Variants in FNDC3B observed in about 807,000 individuals in gnomAD.
The protein encoded by FNDC3B is fibronectin type III domain containing 3B.
FNDC3B carries 12 observed loss-of-function variants against 151.5 expected under a neutral mutation model. That is an observed-to-expected ratio of 0.08 (90% confidence interval 0.05 to 0.13). The LOEUF (loss-of-function observed/expected upper bound fraction) is 0.13. Ranked by LOEUF, FNDC3B falls within the 10% of genes least tolerant of loss-of-function variation. The pLI is 1.00. For synonymous variants in FNDC3B, 528 were observed against 549.0 expected (o/e 0.96, Z 0.54); for missense variants, 1,214 against 1,505.3 (o/e 0.81, Z 3.20).
intron 3 of FNDC3B, among the ~76,000 whole-genome samples, chr3:172,164,673 T>A (rs1335093519): frequency 6.6e-6 from 1 of 152,248 alleles, no homozygotes; most frequent in African/African-American, 2.4e-5. Flanking sequence ...GACCGAATAC[T>A]CAGCATATGA....
intron 1 of FNDC3B, among the ~76,000 whole-genome samples, chr3:172,085,852 G>C (rs140164044): frequency 6.6e-6 from 1 of 152,164 alleles, no homozygotes; most frequent in Admixed American, 6.5e-5. Flanking sequence ...TAATGGATTC[G>C]GATGTTAAAA....
chr3:172,182,979 C>T (rs1344523860), intron 3 of FNDC3B, among the ~76,000 whole-genome samples: 1 of 152,192 alleles, frequency 6.6e-6, no homozygotes, highest in Non-Finnish European at 1.5e-5. Context: ...TTTGGCAAGT[C>T]AAAGCAAGAT....
intron 11 of FNDC3B, among the ~76,000 whole-genome samples, chr3:172,322,516 G>C (rs1732139279): frequency 6.6e-6 from 1 of 152,162 alleles, no homozygotes; most frequent in Admixed American, 6.5e-5. Flanking sequence ...AGAATTTTTA[G>C]ACATGTTTAA....
chr3:172,174,995 C>A (rs1334253303), intron 3 of FNDC3B, among the ~76,000 whole-genome samples: 1 of 137,064 alleles, frequency 7.3e-6, no homozygotes, highest in South Asian at 2.5e-4. Flanking sequence ...TCCTCTCTGG[C>A]CATGCTTTCT....
intron 12 of FNDC3B, 111 bp downstream of exon 12, chr3:172,329,187 C>T (rs1050074905): frequency 7.8e-7 from 1 of 1,281,356 alleles, no homozygotes; most frequent in African/African-American, 1.5e-5. Context: ...ACTAAATCAA[C>T]TGGAGGTTTT....
chr3:172,106,078 G>A (rs1249287903), intron 1 of FNDC3B, among the ~76,000 whole-genome samples: 1 of 152,194 alleles, frequency 6.6e-6, no homozygotes, highest in Non-Finnish European at 1.5e-5. Flanking sequence ...CTTTATGGGT[G>A]CTTGTATTTG....
chr3:172,369,237 A>G (rs1486584486), intron 23 of FNDC3B, among the ~76,000 whole-genome samples: 1 of 152,060 alleles, frequency 6.6e-6, no homozygotes, highest in Non-Finnish European at 1.5e-5. Context: ...ATTAGATAGC[A>G]TTTTTTTCAG....
chr3:172,246,542 A>G (rs1011969986), intron 4 of FNDC3B, among the ~76,000 whole-genome samples: 1 of 152,234 alleles, frequency 6.6e-6, no homozygotes, highest in African/African-American at 2.4e-5. Flanking sequence ...CACAGAGGCA[A>G]TAAATATTGG....
chr3:172,229,332 C>T (rs901190883), intron 4 of FNDC3B, among the ~76,000 whole-genome samples: 2 of 152,178 alleles, frequency 1.3e-5, no homozygotes, highest in Admixed American at 6.5e-5. Flanking sequence ...TAACACTCAA[C>T]CCTGCTTACC....
chr3:172,284,115 A>G (rs1353275825), intron 6 of FNDC3B, among the ~76,000 whole-genome samples: 2 of 152,162 alleles, frequency 1.3e-5, no homozygotes, highest in Non-Finnish European at 2.9e-5. Flanking sequence ...TATTTAGTCA[A>G]GAAGCGTCTG....
At chr3:172,115,479 C>A (rs1720201030) in intron 2 of FNDC3B, among the ~76,000 whole-genome samples, 1 of 152,180 alleles carries the variant, frequency 6.6e-6, no homozygotes, top group Non-Finnish European at 1.5e-5. Flanking sequence ...GCTGCCTGCC[C>A]TTAAGAGCCT....
At chr3:172,196,848 G>T (rs566204825) in intron 3 of FNDC3B, among the ~76,000 whole-genome samples, 4 of 152,254 alleles carry the variant, frequency 2.6e-5, no homozygotes, top group African/African-American at 9.6e-5. Flanking sequence ...CTGTATTTGG[G>T]TTAAATATAT....
chr3:172,332,312 C>T (rs1732724162), intron 13 of FNDC3B, among the ~76,000 whole-genome samples: 1 of 152,124 alleles, frequency 6.6e-6, no homozygotes, highest in Admixed American at 6.5e-5. Flanking sequence ...TTCAAAGAGC[C>T]ACATATGGCT....
chr3:172,343,316 G>C (rs1368050671), intron 18 of FNDC3B, among the ~76,000 whole-genome samples, 200 bp downstream of exon 18: 2 of 152,096 alleles, frequency 1.3e-5, no homozygotes, highest in Non-Finnish European at 2.9e-5. Context: ...CCGCAACACT[G>C]TCCCTCACCT....
At chr3:172,220,123 C>T (rs1022400495) in intron 3 of FNDC3B, among the ~76,000 whole-genome samples, 9 of 151,978 alleles carry the variant, frequency 5.9e-5, no homozygotes, top group African/African-American at 1.5e-4. Context: ...CAGCAGTGTA[C>T]AAGTTTCCAA....
intron 1 of FNDC3B, among the ~76,000 whole-genome samples, chr3:172,107,891 G>GA (rs62684461): frequency 1.9e-4 from 28 of 150,898 alleles, no homozygotes; most frequent in South Asian, 6.3e-4. Context: ...AAAAGAGAAA[G>GA]AAAAAAAAAC....
At chr3:172,256,760 T>C (rs540441839) in intron 6 of FNDC3B, among the ~76,000 whole-genome samples, 1 of 152,176 alleles carries the variant, frequency 6.6e-6, no homozygotes, top group Non-Finnish European at 1.5e-5. Context: ...AATATTGTTA[T>C]AGAAATAATT....
At chr3:172,107,565 A>G (rs1469074371) in intron 1 of FNDC3B, among the ~76,000 whole-genome samples, 1 of 152,142 alleles carries the variant, frequency 6.6e-6, no homozygotes, top group Admixed American at 6.5e-5. Flanking sequence ...TCTAGGAAAG[A>G]AGGAACCCAG....
intron 6 of FNDC3B, among the ~76,000 whole-genome samples, chr3:172,262,489 A>C (rs1207625091): frequency 6.6e-6 from 1 of 152,274 alleles, no homozygotes; most frequent in Admixed American, 6.5e-5. Context: ...TGCAAGGAGT[A>C]GCAGTACACT....
Sources: allele counts gnomAD v4.1 joint callset (sites outside exome capture counted in the v4.1 genomes callset), GRCh38; gene constraint gnomAD v4.1.1; transcripts MANE v1.5; gene names NCBI Gene and HGNC (gene_info 2026-07-23, HGNC 2026-07-21).